The following ATP1A2 variants were observed in gnomAD, a reference collection of about 807,000 sequenced individuals.
ATP1A2 encodes the protein sodium/potassium-transporting ATPase subunit alpha-2.
In ATP1A2, 56 loss-of-function variants were observed where a neutral mutation model predicts 113.1. The ratio of observed to expected loss-of-function variants is 0.49; its 90% CI spans 0.40 to 0.62. The LOEUF (loss-of-function observed/expected upper bound fraction) is 0.62. Among genes scored for constraint, ATP1A2 ranks in the 20% least tolerant of loss-of-function variants. The pLI, the probability that ATP1A2 is intolerant of heterozygous loss-of-function variation, is 0.00. For synonymous variants in ATP1A2, 490 were observed against 526.8 expected, an observed-to-expected ratio of 0.93 and a Z score of 0.96; for missense variants, 712 against 1,357.8, an observed-to-expected ratio of 0.52 and a Z score of 7.47.
chr1:160,134,110 A>C (rs1178029041), intron 13 of ATP1A2, among the ~76,000 whole-genome samples: 1 of 124,436 alleles, frequency 8.0e-6, no homozygotes, highest in African/African-American at 3.1e-5. Flanking sequence ...GCACACATAC[A>C]CAAATCCCCA....
chr1:160,137,144 G>T lies in ATP1A2; in HGVS notation c.2840+113G>T. ...GACCAGAGCTGTAAGGAGGGCATCA[G>T]ATTTTAATCTTCCATCTGTATATCC... On this transcript the variant is annotated intron_variant, in intron 20 of 22. Coordinates refer to ENST00000361216, the MANE Select transcript of ATP1A2 (RefSeq NM_000702.4). The T allele has an allele frequency of 3.3e-6, 5 of 1,537,830 alleles. No homozygotes were observed. In the South Asian group the frequency reaches 5.6e-5, roughly 17 times the overall value.
chr1:160,141,174 C>A, intron 22 of ATP1A2, 120 bp from the exon 23 acceptor site: 1 of 1,204,662 alleles, frequency 8.3e-7, no homozygotes, highest in Non-Finnish European at 1.2e-6. Flanking sequence ...CCACTTCCCC[C>A]AGTGCCCTTC....
At chr1:160,125,320 C>T in intron 7 of ATP1A2, 67 bp downstream of exon 7, 2 of 1,437,398 alleles carry the variant, frequency 1.4e-6, no homozygotes, top group Non-Finnish European at 2.0e-6. Context: ...GGATGAAGGG[C>T]TCTGGTAGTA....
At position 160,125,380 on chromosome 1, in the gene ATP1A2, G is replaced by A. The variant is rs1465498754; in HGVS notation, c.748+127G>A. 8.1e-6 allele frequency: 7 copies of A among 859,702 alleles called. No homozygotes were observed. In the East Asian group the frequency reaches 1.8e-4, roughly 22 times the overall value. 53.3% of individuals were successfully genotyped at this position (859,702 alleles called of 1,614,324 possible). A position where few individuals can be genotyped will look rare whatever the true frequency, so the allele number is the denominator to read the frequency against. ...TGGTGGGGCAATTGAGGGGTCAGGG[G>A]GCCCTGAATATTATGGAAACACCCT... On this transcript the variant is annotated intron_variant, in intron 7 of 22. Transcript: ENST00000361216.
chr1:160,127,529 C>A (rs754422449), intron 7 of ATP1A2, 23 bp from the exon 8 acceptor site: 9 of 1,614,024 alleles, frequency 5.6e-6, no homozygotes, highest in Non-Finnish European at 7.6e-6. Flanking sequence ...AGGCACCCAA[C>A]CTGATGCCCC....
At chr1:160,117,609 G>A (rs1407840979) in intron 1 of ATP1A2, among the ~76,000 whole-genome samples, 1 of 152,090 alleles carries the variant, frequency 6.6e-6, no homozygotes, top group East Asian at 1.9e-4. Flanking sequence ...ACCTACCAAC[G>A]ACCCCTGAAG....
intron 19 of ATP1A2, 68 bp from the exon 20 acceptor site, chr1:160,136,833 C>T (rs1651969171): frequency 6.2e-7 from 1 of 1,614,034 alleles, no homozygotes; most frequent in Non-Finnish European, 8.5e-7. Context: ...TCAGGAGAAA[C>T]CATGCTACCT....
At chr1:160,137,587 G>A (rs184657575) in intron 20 of ATP1A2, among the ~76,000 whole-genome samples, 2 of 152,236 alleles carry the variant, frequency 1.3e-5, no homozygotes, top group African/African-American at 4.8e-5. Context: ...ATGTGCCCAA[G>A]GTCACCAAGA....
Position 160,141,427 on chromosome 1 carries a change from C to A in ATP1A2, c.*105C>A. The A allele has an allele frequency of 6.8e-7, 1 of 1,469,290 alleles. No homozygotes were observed. The highest frequency in any genetic ancestry group is 9.5e-7 in the Non-Finnish European group (1 of 1,051,970). 91.0% of individuals were successfully genotyped at this position (1,469,290 alleles called of 1,614,324 possible). On this transcript the variant is annotated 3_prime_UTR_variant, in exon 23 of 23. Coordinates refer to ENST00000361216, the MANE Select transcript of ATP1A2 (RefSeq NM_000702.4). ...AATAACGGGTGGCATTGGGTGGCAA[C>A]ATTTGGGGAGAGATAATGAGGCAAC...
At chr1:160,123,763 A>G (rs1235992943) in intron 4 of ATP1A2, among the ~76,000 whole-genome samples, 180 bp from the exon 5 acceptor site, 1 of 152,152 alleles carries the variant, frequency 6.6e-6, no homozygotes, top group Non-Finnish European at 1.5e-5. Context: ...AACAGGCTTG[A>G]GGTTGGCAGA....
chr1:160,136,078 C>A, intron 17 of ATP1A2, 85 bp downstream of exon 17: 3 of 1,609,286 alleles, frequency 1.9e-6, no homozygotes, highest in Middle Eastern at 1.7e-4. Flanking sequence ...GGGGCAGTGG[C>A]CCCAGCTGTG....
rs115441094 is a variant in ATP1A2 at position 160,136,726 on chromosome 1, C to T, written c.2709+11C>T. The T allele has an allele frequency of 1.4e-4, 223 of 1,614,150 alleles. 1 individual carries two copies. The African/African-American group carries it at 2.6e-3, about 19-fold the overall frequency. On this transcript the variant is annotated intron_variant, in intron 19 of 22. Coordinates refer to ENST00000361216, the MANE Select transcript of ATP1A2 (RefSeq NM_000702.4). ...TATGGACAGGAGTGGGTGAGTGGTG[C>T]TGTGTAAACACAGCGCACATGTGTG...
chr1:160,133,613 T>A (rs571123723), intron 13 of ATP1A2, among the ~76,000 whole-genome samples: 26 of 152,206 alleles, frequency 1.7e-4, no homozygotes, highest in African/African-American at 6.3e-4. Flanking sequence ...GGCAGGGGTG[T>A]TGTCTCCATC....
intron 20 of ATP1A2, among the ~76,000 whole-genome samples, chr1:160,138,405 T>C (rs536571055): frequency 6.6e-6 from 1 of 152,368 alleles, no homozygotes; most frequent in Non-Finnish European, 1.5e-5. Flanking sequence ...TGGGGAAATG[T>C]ATTCAATACT....
intron 2 of ATP1A2, 27 bp from the exon 3 acceptor site, chr1:160,121,165 C>A: frequency 6.2e-7 from 1 of 1,613,976 alleles, no homozygotes; most frequent in Non-Finnish European, 8.5e-7. Flanking sequence ...ACCTCCTCCC[C>A]AAAGTAACTC....
intron 13 of ATP1A2, among the ~76,000 whole-genome samples, chr1:160,133,522 T>C (rs753996184): frequency 3.9e-5 from 6 of 152,028 alleles, no homozygotes; most frequent in Admixed American, 1.3e-4. Context: ...TCTGCAACAA[T>C]AGCAATGAAC....
At chr1:160,134,989 G>A (rs1008501380) in intron 14 of ATP1A2, among the ~76,000 whole-genome samples, 156 bp from the exon 15 acceptor site, 1 of 152,196 alleles carries the variant, frequency 6.6e-6, no homozygotes, top group African/African-American at 2.4e-5. Context: ...AAAGAGAAAT[G>A]GGGGAAGTGA....
At chr1:160,137,728 G>A (rs984142493) in intron 20 of ATP1A2, among the ~76,000 whole-genome samples, 26 of 152,094 alleles carry the variant, frequency 1.7e-4, no homozygotes, top group Admixed American at 9.2e-4. Context: ...GTGGTTGAGC[G>A]CTGAAGGTTT....
At chr1:160,121,445 C>A (rs1038567412) in intron 3 of ATP1A2, among the ~76,000 whole-genome samples, 194 bp downstream of exon 3, 3 of 152,178 alleles carry the variant, frequency 2.0e-5, no homozygotes, top group Non-Finnish European at 4.4e-5. Flanking sequence ...TCCCCTGCAT[C>A]CTAGCCCAAA....
Sources: allele counts gnomAD v4.1 joint callset (sites outside exome capture counted in the v4.1 genomes callset), GRCh38; gene constraint gnomAD v4.1.1; transcripts MANE v1.5; gene names NCBI Gene and HGNC (gene_info 2026-07-23, HGNC 2026-07-21).